SEMA5A: variants seen among roughly 807,000 people sequenced by gnomAD.
SEMA5A encodes the protein semaphorin 5A.
Under a neutral mutation model 135.5 loss-of-function variants are expected in SEMA5A, and 55 were observed. The observed-to-expected ratio is 0.41, with a 90% CI of 0.33 to 0.51. The LOEUF (loss-of-function observed/expected upper bound fraction) is 0.51, where lower values mean the gene tolerates loss of function less well. SEMA5A is among the 20% of genes least tolerant of loss of function. SEMA5A has a pLI of 0.37. For synonymous variants in SEMA5A, 580 were observed against 546.5 expected, an observed-to-expected ratio of 1.06 and a Z score of -0.85; for missense variants, 1,290 against 1,419.9, an observed-to-expected ratio of 0.91 and a Z score of 1.47.
chr5:9,311,146 C>G (rs997922093), intron 5 of SEMA5A, among the ~76,000 whole-genome samples: 4 of 151,290 alleles, frequency 2.6e-5, no homozygotes, highest in Non-Finnish European at 4.4e-5. Context: ...TTTCGCTCAA[C>G]GGGGGGGTCC....
intron 5 of SEMA5A, among the ~76,000 whole-genome samples, chr5:9,290,266 T>C (rs1751014767): frequency 6.6e-6 from 1 of 152,204 alleles, no homozygotes; most frequent in Non-Finnish European, 1.5e-5. Flanking sequence ...TGAATAATTA[T>C]AGTTAAGCAC....
chr5:9,248,865 T>G (rs545648863), intron 5 of SEMA5A, among the ~76,000 whole-genome samples: 11 of 152,244 alleles, frequency 7.2e-5, no homozygotes, highest in African/African-American at 2.6e-4. Flanking sequence ...TTTAGTCGCA[T>G]AAGAATTAAT....
chr5:9,186,531 G>T (rs1335573577), intron 11 of SEMA5A, among the ~76,000 whole-genome samples: 1 of 152,182 alleles, frequency 6.6e-6, no homozygotes, highest in African/African-American at 2.4e-5. Context: ...AAGGTAGGAA[G>T]GACTCTAGCT....
In SEMA5A at chr5:9,108,182, G is replaced by A; in HGVS notation, c.2031C>T (p.Arg677=). The A allele has an allele frequency of 6.2e-7, 1 of 1,614,166 alleles. No individual in the cohort carries two copies. The highest frequency in any genetic ancestry group is 8.5e-7 in the Non-Finnish European group (1 of 1,180,026). ...AQCGGGIQAR[R]RICENGPDCA... ...AGTCAGGCCCATTCTCACAGATCCT[G>A]CGGCGAGCTTGAATGCCACCCCCGC... The change falls in exon 16 of 23, where the codon CGC becomes CGT. Residue 677 remains arginine (R), a synonymous_variant. Coordinates refer to ENST00000382496, the MANE Select transcript of SEMA5A (RefSeq NM_003966.3).
chr5:9,161,440 T>C (rs1743249962), intron 11 of SEMA5A, among the ~76,000 whole-genome samples: 1 of 152,208 alleles, frequency 6.6e-6, no homozygotes, highest in Non-Finnish European at 1.5e-5. Context: ...AACAGGTGAA[T>C]AAATTTTAAT....
intron 1 of SEMA5A, among the ~76,000 whole-genome samples, chr5:9,521,526 A>G (rs539252096): frequency 5.6e-4 from 86 of 152,368 alleles, no homozygotes; most frequent in African/African-American, 2.0e-3. Context: ...ACTGCAACAA[A>G]CAAAAAAGGT....
intron 1 of SEMA5A, chr5:9,498,378 C>T (rs1332746413): frequency 4.6e-5 from 7 of 152,194 alleles, no homozygotes; most frequent in East Asian, 1.9e-4. Context: ...CACCATCCAT[C>T]GAATTCTTTG....
intron 5 of SEMA5A, among the ~76,000 whole-genome samples, chr5:9,305,708 G>GTGTATATATATATATATATATATATATA (rs1554017498): frequency 2.6e-4 from 36 of 139,206 alleles, no homozygotes; most frequent in Non-Finnish European, 2.9e-4. Flanking sequence ...GTGTGTGTGC[G>GTGTATATATATATATATATATATATATA]TATATATATA....
rs191135973 is a variant in SEMA5A at position 9,297,598 on chromosome 5, A to G, written c.270+20774T>C. The stretch of plus-strand genomic sequence containing the variant: ...AGAGAGTATCTCACTCCAATTGCCC[A>G]GGCTGGAGTGTAGTGGCATGATCTT... On this transcript the variant is annotated intron_variant, in intron 5 of 22. Transcript: ENST00000382496. Among the ~76,000 whole-genome samples, 88 of 152,202 alleles carry G rather than the reference A, an allele frequency of 5.8e-4. 2 individuals carry two copies. Among genetic ancestry groups the G allele is most frequent in the Middle Eastern group, 3.4e-3 (1 of 294 alleles).
intron 19 of SEMA5A, among the ~76,000 whole-genome samples, chr5:9,052,286 C>T (rs539247016): frequency 1.0e-3 from 154 of 152,228 alleles, no homozygotes; most frequent in African/African-American, 3.6e-3. Context: ...ATTATTTTAA[C>T]GTTATAAAGT....
intron 3 of SEMA5A, among the ~76,000 whole-genome samples, chr5:9,349,716 A>C (rs1312981033): frequency 6.6e-6 from 1 of 152,086 alleles, no homozygotes; most frequent in African/African-American, 2.4e-5. Context: ...CCTGGCTAAC[A>C]CAGTGAATCC....
At chr5:9,163,622 A>G (rs941527680) in intron 11 of SEMA5A, among the ~76,000 whole-genome samples, 3 of 152,154 alleles carry the variant, frequency 2.0e-5, no homozygotes, top group African/African-American at 7.2e-5. Flanking sequence ...GTCCACCCAA[A>G]AGTCATATGT....
chr5:9,117,293 A>T (rs1490465814), intron 15 of SEMA5A, among the ~76,000 whole-genome samples: 1 of 152,214 alleles, frequency 6.6e-6, no homozygotes. Context: ...GTGATAACAC[A>T]TGCTAAGTTT....
intron 5 of SEMA5A, among the ~76,000 whole-genome samples, chr5:9,313,355 C>T (rs1752230255): frequency 6.6e-6 from 1 of 152,112 alleles, no homozygotes; most frequent in Non-Finnish European, 1.5e-5. Flanking sequence ...TTTAGGATGT[C>T]TCTTCTGAAA....
chr5:9,102,242 A>G (rs1406158569), intron 16 of SEMA5A, among the ~76,000 whole-genome samples: 1 of 152,260 alleles, frequency 6.6e-6, no homozygotes, highest in Non-Finnish European at 1.5e-5. Context: ...GATGAAAGGA[A>G]GTGCCAGCTG....
intron 5 of SEMA5A, among the ~76,000 whole-genome samples, chr5:9,267,268 A>C (rs182511503): frequency 6.6e-6 from 1 of 152,202 alleles, no homozygotes. Flanking sequence ...AAAAACTCAC[A>C]ACATAAAATC....
chr5:9,269,095 G>C (rs1296171613), intron 5 of SEMA5A, among the ~76,000 whole-genome samples: 1 of 152,084 alleles, frequency 6.6e-6, no homozygotes, highest in Non-Finnish European at 1.5e-5. Flanking sequence ...CATGTGGTGG[G>C]GGAATGAACT....
chr5:9,430,325 G>T (rs1757812947), intron 2 of SEMA5A, among the ~76,000 whole-genome samples: 1 of 152,164 alleles, frequency 6.6e-6, no homozygotes, highest in Non-Finnish European at 1.5e-5. Context: ...CCAGTTGTGA[G>T]GTTAAATAGG....
intron 2 of SEMA5A, among the ~76,000 whole-genome samples, chr5:9,425,418 A>G (rs1167045079): frequency 6.6e-6 from 1 of 152,188 alleles, no homozygotes; most frequent in Non-Finnish European, 1.5e-5. Flanking sequence ...GGAGAATGCA[A>G]GTTATTTCTC....
Sources: allele counts gnomAD v4.1 joint callset (sites outside exome capture counted in the v4.1 genomes callset), GRCh38; gene constraint gnomAD v4.1.1; transcripts MANE v1.5; gene names NCBI Gene and HGNC (gene_info 2026-07-23, HGNC 2026-07-21).